Variants in PRKG1 observed in about 807,000 individuals in gnomAD.
PRKG1 encodes the protein cGMP-dependent protein kinase 1.
In PRKG1, 35 loss-of-function variants were observed where a neutral mutation model predicts 88.1. The ratio of observed to expected loss-of-function variants is 0.40; its 90% CI spans 0.30 to 0.53. The LOEUF is 0.53. Ranked by LOEUF, PRKG1 falls within the 20% of genes least tolerant of loss-of-function variation. PRKG1 has a pLI of 0.59. For synonymous variants in PRKG1, 303 were observed against 292.5 expected (o/e 1.04, Z -0.37); for missense variants, 540 against 839.8 (o/e 0.64, Z 4.41).
chr10:52,182,557 T>TAA (rs1839066798), intron 9 of PRKG1, among the ~76,000 whole-genome samples: 2 of 115,020 alleles, frequency 1.7e-5, no homozygotes, highest in Non-Finnish European at 3.6e-5. Flanking sequence ...CTAGGGTTTT[T>TAA]ATGGTTGTAG....
rs1843095579 is a variant in PRKG1 at position 51,018,374 on chromosome 10, C to A, written c.266+26730C>A. 2.0e-5 allele frequency among the ~76,000 whole-genome samples: 3 copies of A among 151,992 alleles called. 1 individual carries two copies. Among genetic ancestry groups the A allele is most frequent in the Non-Finnish European group, 4.4e-5 (3 of 67,988 alleles). On this transcript the variant is annotated intron_variant, in intron 1 of 17. Transcript: ENST00000401604. ...TGTTCTTCTGTATGCAATATGTCTT[C>A]TTTTTCCTTGTCTGTTCTTAAGATT...
intron 1 of PRKG1, among the ~76,000 whole-genome samples, chr10:51,135,668 G>A (rs1589183487): frequency 6.6e-6 from 1 of 152,030 alleles, no homozygotes; most frequent in East Asian, 1.9e-4. Context: ...AATTGATGTT[G>A]ATTAACCATG....
intron 5 of PRKG1, among the ~76,000 whole-genome samples, chr10:51,970,003 C>T (rs1843666745): frequency 4.6e-4 from 1 of 2,170 alleles, no homozygotes; most frequent in African/African-American, 1.4e-3. Flanking sequence ...TCTCTTCATA[C>T]ACACACACAC....
Position 51,942,931 on chromosome 10 carries a change from T to C in PRKG1, c.762+35361T>C, listed in dbSNP as rs189664704. ...TTTTGGCTTAGGATTGACTTGGCGA[T>C]GCGGGCTCTGTTTTGGTTCCATATG... On this transcript the variant is annotated intron_variant, in intron 5 of 17. Transcript: ENST00000373980. 4.0e-5 allele frequency among the ~76,000 whole-genome samples: 6 copies of C among 151,748 alleles called. No individual in the cohort carries two copies. In the East Asian group the frequency reaches 9.7e-4, roughly 24 times the overall value.
intron 5 of PRKG1, among the ~76,000 whole-genome samples, chr10:52,017,013 G>A (rs934716934): frequency 6.6e-6 from 1 of 152,094 alleles, no homozygotes; most frequent in Non-Finnish European, 1.5e-5. Context: ...AAAAAGACAT[G>A]TAAATTCCCT....
At chr10:52,194,378 T>A (rs552546351) in intron 9 of PRKG1, among the ~76,000 whole-genome samples, 1 of 152,266 alleles carries the variant, frequency 6.6e-6, no homozygotes, top group African/African-American at 2.4e-5. Context: ...ACAGTTTCCA[T>A]GGAAACATGA....
intron 7 of PRKG1, among the ~76,000 whole-genome samples, chr10:52,099,088 C>A (rs896868266): frequency 6.6e-6 from 1 of 152,162 alleles, no homozygotes; most frequent in Admixed American, 6.5e-5. Context: ...AGAGCAGGAT[C>A]ATAAAATAGC....
intron 1 of PRKG1, among the ~76,000 whole-genome samples, chr10:51,018,781 T>C (rs1843099647): frequency 6.6e-6 from 1 of 152,182 alleles, no homozygotes. Context: ...ATTTAAAAAT[T>C]AGAAATCACA....
At chr10:52,244,798 A>T (rs1230228405) in intron 9 of PRKG1, among the ~76,000 whole-genome samples, 1 of 143,802 alleles carries the variant, frequency 7.0e-6, no homozygotes, top group African/African-American at 2.5e-5. Flanking sequence ...ATTTAAATAT[A>T]TATTTAGATA....
At chr10:51,725,089 A>C (rs1481030143) in intron 3 of PRKG1, among the ~76,000 whole-genome samples, 1 of 152,064 alleles carries the variant, frequency 6.6e-6, no homozygotes, top group Non-Finnish European at 1.5e-5. Context: ...TGCAGAAGAA[A>C]ATGAATTACA....
In PRKG1 at chr10:51,750,290, C is replaced by T. The variant is rs868515086; in HGVS notation, c.593-54295C>T. Among the ~76,000 whole-genome samples the T allele has an allele frequency of 4.6e-5, 7 of 152,100 alleles. No individual in the cohort carries two copies. The East Asian group carries it at 9.7e-4, about 21-fold the overall frequency. Reference sequence around the variant, plus strand: ...AGCCATAATTCTGCAGGTGTGGTCCCGCAACTGACTTGCACCCCAATAATA... The same window carrying T: ...AGCCATAATTCTGCAGGTGTGGTCCTGCAACTGACTTGCACCCCAATAATA... On this transcript the variant is annotated intron_variant, in intron 3 of 17. Coordinates refer to ENST00000373980, the MANE Select transcript of PRKG1 (RefSeq NM_006258.4).
At chr10:51,699,300 C>T (rs943965502) in intron 3 of PRKG1, 1 of 1,614,008 alleles carries the variant, frequency 6.2e-7, no homozygotes, top group Non-Finnish European at 8.5e-7. Flanking sequence ...AGCGCTCTCC[C>T]ACTGAACTCC....
At chr10:51,822,826 A>G (rs552267679) in intron 4 of PRKG1, among the ~76,000 whole-genome samples, 3 of 152,264 alleles carry the variant, frequency 2.0e-5, no homozygotes, top group East Asian at 3.9e-4. Context: ...ATGTATGTGC[A>G]TGCCTGGAGT....
chr10:52,131,578 G>A (rs1837259601), intron 7 of PRKG1, among the ~76,000 whole-genome samples: 2 of 151,914 alleles, frequency 1.3e-5, no homozygotes, highest in South Asian at 4.2e-4. Flanking sequence ...TGGGCGCGGT[G>A]GCTCACACTT....
At chr10:51,571,584 A>T (rs2132168799) in intron 3 of PRKG1, among the ~76,000 whole-genome samples, 2 of 152,022 alleles carry the variant, frequency 1.3e-5, no homozygotes, top group East Asian at 3.9e-4. Flanking sequence ...AGAAGTTTTC[A>T]CGAGCTCTTG....
At chr10:51,709,536 G>T (rs1841691466) in intron 3 of PRKG1, among the ~76,000 whole-genome samples, 1 of 152,210 alleles carries the variant, frequency 6.6e-6, no homozygotes. Flanking sequence ...AAACAGGGAA[G>T]TGCAAATGAC....
intron 3 of PRKG1, among the ~76,000 whole-genome samples, chr10:51,552,559 G>A (rs1002689453): frequency 2.6e-5 from 4 of 151,454 alleles, no homozygotes; most frequent in Non-Finnish European, 5.9e-5. Context: ...AAACAAATAA[G>A]TTTCTTCTTA....
intron 4 of PRKG1, among the ~76,000 whole-genome samples, chr10:51,824,336 G>T (rs916250889): frequency 6.6e-6 from 1 of 152,030 alleles, no homozygotes; most frequent in East Asian, 1.9e-4. Context: ...TAGATATAAT[G>T]TTCAACTAGA....
intron 2 of PRKG1, among the ~76,000 whole-genome samples, chr10:51,359,578 T>C (rs1382002954): frequency 6.6e-6 from 1 of 151,916 alleles, no homozygotes; most frequent in Non-Finnish European, 1.5e-5. Flanking sequence ...ATAGGCCTCA[T>C]TTTATTTTTA....
Sources: gnomAD v4.1 joint callset for allele counts (sites outside exome capture counted in the v4.1 genomes callset) on GRCh38, gnomAD v4.1.1 for gene constraint, MANE v1.5 for transcripts, NCBI Gene and HGNC (gene_info 2026-07-23, HGNC 2026-07-21) for gene names.